Variants in PEX5 observed in about 807,000 individuals in gnomAD.
PEX5 encodes the protein PTS1 receptor.
Under a neutral mutation model 82.9 loss-of-function variants are expected in PEX5, and 52 were observed. That is an observed-to-expected ratio of 0.63 (90% CI 0.50 to 0.79). PEX5 has a LOEUF of 0.79. Ranked by LOEUF, PEX5 falls within the 30% of genes least tolerant of loss-of-function variation. The pLI is 0.00. For missense variants in PEX5, 719 were observed against 815.2 expected (o/e 0.88, Z 1.44); for synonymous variants, 300 against 318.8 (o/e 0.94, Z 0.63).
intron 8 of PEX5, 95 bp downstream of exon 8, chr12:7,202,446 G>A: frequency 6.6e-7 from 1 of 1,514,862 alleles, no homozygotes. Context: ...GGAAGGATAA[G>A]ACCAGCTTGT....
At chr12:7,208,418 C>A in intron 12 of PEX5, 39 bp from the exon 13 acceptor site, 3 of 1,478,576 alleles carry the variant, frequency 2.0e-6, no homozygotes, top group Non-Finnish European at 2.8e-6. Context: ...CAGTGTCAGT[C>A]ATTGCAGATA....
rs749848604 is a variant in PEX5 at position 7,201,427 on chromosome 12, A to G, written c.552-324A>G. Among the ~76,000 whole-genome samples the G allele has an allele frequency of 7.9e-5, 12 of 152,296 alleles. No homozygotes were observed. In the East Asian group the frequency reaches 2.3e-3, roughly 29 times the overall value. ...TAGGTAAATATATATATATTTTTCA[A>G]GAATCCTAACTATCCTATATGACGT... is the stretch of plus-strand genomic sequence containing the variant. On this transcript the variant is annotated intron_variant, in intron 6 of 15. Transcript: ENST00000675855.
intron 1 of PEX5, chr12:7,190,156 C>T: frequency 6.7e-7 from 1 of 1,490,220 alleles, no homozygotes; most frequent in Non-Finnish European, 8.9e-7. Context: ...AGGCTGGAAG[C>T]GGTGGCCTTT....
Position 7,209,944 on chromosome 12 carries a change from T to C in PEX5, c.1719-78T>C, listed in dbSNP as rs375104534. 56 of 1,592,458 alleles carry C rather than the reference T, an allele frequency of 3.5e-5. No homozygotes were observed. The African/African-American group carries it at 4.7e-4, about 13-fold the overall frequency. On this transcript the variant is annotated intron_variant, in intron 15 of 15. Transcript: ENST00000675855. ...GTTTGACTAACCAGCCCTAGCTTTC[T>C]CCCTCCCACTGCTAGCTGACCTGCT...
chr12:7,209,791 C>T lies in PEX5; in HGVS notation c.1669C>T (p.Arg557Trp), dbSNP rs1281539463. 17 of 1,614,052 alleles carry T rather than the reference C, an allele frequency of 1.1e-5. No homozygotes were observed. Among genetic ancestry groups the T allele is most frequent in the East Asian group, 2.2e-5 (1 of 44,890 alleles). Residue 557 changes from arginine (R) to tryptophan (W), a missense_variant, in exon 15 of 16, where the codon CGG becomes TGG. Transcript: ENST00000675855. ...CCTCGAGCTCCAGCCTGGCTATATCCGGTCCCGCTATAACCTGGGCATCAG... is the reference window on the plus strand; with the variant it reads ...CCTCGAGCTCCAGCCTGGCTATATCTGGTCCCGCTATAACCTGGGCATCAG... ...RALELQPGYIRSRYNLGISCI... is the reference protein window; with the variant it reads ...RALELQPGYIWSRYNLGISCI...
chr12:7,195,520 C>G (rs1941917881), intron 5 of PEX5, among the ~76,000 whole-genome samples: 1 of 151,942 alleles, frequency 6.6e-6, no homozygotes, highest in Non-Finnish European at 1.5e-5. Flanking sequence ...TAGTTTTTCT[C>G]AGCTCTGGGA....
Position 7,209,159 on chromosome 12 carries a change from G to A in PEX5, c.1549G>A (p.Val517Ile), listed in dbSNP as rs201596535. 98 of 1,613,750 alleles carry A rather than the reference G, an allele frequency of 6.1e-5. No individual in the cohort carries two copies. Among genetic ancestry groups the A allele is most frequent in the South Asian group, 1.4e-4 (13 of 91,068 alleles). ...AVDCFTAALS[V>I]RPNDYLLWNK... ...GGACTGCTTCACAGCTGCCCTCAGC[G>A]TTCGTCCCAATGTGAGCCCAGGGGA... Residue 517 changes from valine (V) to isoleucine (I), a missense_variant, in exon 14 of 16, where the codon GTT becomes ATT. Physicochemically the swap from Val to Ile is conservative, Grantham distance 29. Coordinates refer to ENST00000675855, the MANE Select transcript of PEX5 (RefSeq NM_001351132.2).
chr12:7,204,744 A>G (rs146753559), intron 10 of PEX5, among the ~76,000 whole-genome samples: 6 of 152,356 alleles, frequency 3.9e-5, no homozygotes, highest in African/African-American at 1.2e-4. Context: ...ACATATAGAC[A>G]TAATACTAGT....
chr12:7,198,415 TATTAC>T (rs1472309532), intron 5 of PEX5, among the ~76,000 whole-genome samples: 4 of 150,500 alleles, frequency 2.7e-5, no homozygotes, highest in Non-Finnish European at 4.4e-5. Context: ...CATATTTGTA[TATTAC>T]ATTTCAATTA....
intron 1 of PEX5, chr12:7,190,131 C>T: frequency 6.7e-7 from 1 of 1,484,556 alleles, no homozygotes; most frequent in South Asian, 1.3e-5. Context: ...GTCGCGGAGG[C>T]CTCTGCAGAG....
rs3825405 is a variant in PEX5, at chr12:7,207,547, C to A, written c.967-112C>A. On this transcript the variant is annotated intron_variant, in intron 10 of 15. Transcript: ENST00000675855. ...TGGAGAATTTGCCAGCAATTAATTC[C>A]GGAACCTGTTTGGAGGCCCTCAGCT... is the stretch of plus-strand genomic sequence containing the variant. 0.5 allele frequency: 493,529 copies of A among 996,352 alleles called. 126,031 individuals are homozygous for A. Among genetic ancestry groups the A allele is most frequent in the Admixed American group, 0.69 (40,232 of 58,620 alleles). 61.7% of individuals were successfully genotyped at this position (996,352 alleles called of 1,614,324 possible).
chr12:7,215,440 C>T (rs1565733052), downstream of PEX5, among the ~76,000 whole-genome samples: 3 of 152,180 alleles, frequency 2.0e-5, no homozygotes, highest in African/African-American at 4.8e-5. Flanking sequence ...CACATGCACT[C>T]ATATGTTCAT....
intron 5 of PEX5, among the ~76,000 whole-genome samples, chr12:7,195,098 G>C (rs1208331878): frequency 6.6e-6 from 1 of 152,200 alleles, no homozygotes; most frequent in Admixed American, 6.5e-5. Flanking sequence ...CTTCTCCACA[G>C]TGCTGCTATT....
chr12:7,214,722 TAA>T (rs992414206), downstream of PEX5, among the ~76,000 whole-genome samples: 1 of 135,014 alleles, frequency 7.4e-6, no homozygotes, highest in Admixed American at 7.0e-5. Context: ...ATAATAATAA[TAA>T]AATAAAAAAA....
downstream of PEX5, among the ~76,000 whole-genome samples, chr12:7,212,486 A>AAAC (rs1555184620): frequency 2.4e-4 from 23 of 97,816 alleles, 1 homozygote; most frequent in Non-Finnish European, 3.3e-4. Flanking sequence ...AAAAAAAAAA[A>AAAC]AACCCAAAAA....
chr12:7,201,337 G>A (rs867572153), intron 6 of PEX5, among the ~76,000 whole-genome samples: 20 of 7,334 alleles, frequency 2.7e-3, no homozygotes, highest in Non-Finnish European at 0.022. Flanking sequence ...ACACATACAC[G>A]TATATATACA....
rs1412203892 is a variant in PEX5 at position 7,210,473 on chromosome 12, T to C, written c.*250T>C. On this transcript the variant is annotated 3_prime_UTR_variant, in exon 16 of 16. Coordinates refer to ENST00000675855, the MANE Select transcript of PEX5 (RefSeq NM_001351132.2). ...CTGTACATCCAGCTACAGATCTCTC[T>C]GCTCATCATGCCCTTTCTTGGTGCT... is the stretch of plus-strand genomic sequence containing the variant. 5 of 584,958 alleles carry C rather than the reference T, an allele frequency of 8.5e-6. No individual in the cohort carries two copies. The East Asian group carries it at 1.2e-4, about 14-fold the overall frequency. 36.2% of individuals were successfully genotyped at this position (584,958 alleles called of 1,614,324 possible). A position where few individuals can be genotyped will look rare whatever the true frequency, so the allele number is the denominator to read the frequency against.
downstream of PEX5, among the ~76,000 whole-genome samples, chr12:7,215,445 G>A (rs983257618): frequency 1.3e-5 from 2 of 152,186 alleles, no homozygotes; most frequent in African/African-American, 4.8e-5. Context: ...GCACTCATAT[G>A]TTCATTGCAG....
chr12:7,212,204 A>G (rs1331841144), downstream of PEX5, among the ~76,000 whole-genome samples: 2 of 152,020 alleles, frequency 1.3e-5, no homozygotes, highest in East Asian at 1.9e-4. Flanking sequence ...ACCTCAGGCA[A>G]TCCACCCACC....
Sources: allele counts gnomAD v4.1 joint callset (sites outside exome capture counted in the v4.1 genomes callset), GRCh38; gene constraint gnomAD v4.1.1; transcripts MANE v1.5; gene names NCBI Gene and HGNC (gene_info 2026-07-23, HGNC 2026-07-21).